The following PRMT3 variants were observed in gnomAD, a reference collection of about 807,000 sequenced individuals.
The protein encoded by PRMT3 is protein arginine methyltransferase 3, also known as protein arginine N-methyltransferase 3.
In PRMT3, 62 loss-of-function variants were observed where a neutral mutation model predicts 71.9. The ratio of observed to expected loss-of-function variants is 0.86; its 90% CI spans 0.70 to 1.07. The LOEUF is 1.07. Among genes scored for constraint, PRMT3 ranks in the 50% least tolerant of loss-of-function variants. The pLI, the probability that PRMT3 is intolerant of heterozygous loss-of-function variation, is 0.00. For missense variants in PRMT3, 663 were observed against 643.0 expected (o/e 1.03, Z -0.34); for synonymous variants, 213 against 220.4 (o/e 0.97, Z 0.30).
At chr11:20,398,610 G>A (rs776454123) in intron 7 of PRMT3, among the ~76,000 whole-genome samples, 21 of 152,126 alleles carry the variant, frequency 1.4e-4, no homozygotes, top group Non-Finnish European at 2.4e-4. Flanking sequence ...CCGCCACGGC[G>A]CCTGGCTAAT....
At chr11:20,418,721 A>G (rs187415527) in intron 9 of PRMT3, among the ~76,000 whole-genome samples, 8 of 152,318 alleles carry the variant, frequency 5.3e-5, no homozygotes, top group Admixed American at 3.3e-4. Context: ...AGCAACAAGC[A>G]ACTATAGCAA....
intron 3 of PRMT3, among the ~76,000 whole-genome samples, chr11:20,391,049 CA>C (rs57575758): frequency 0.88 from 127,488 of 144,498 alleles, 56,520 homozygotes; most frequent in Middle Eastern, 0.96. Context: ...GACGCCGTCT[CA>C]AAAAAAAAAA....
At chr11:20,469,566 ATGCT>A (rs1179965045) in intron 13 of PRMT3, among the ~76,000 whole-genome samples, 1 of 152,208 alleles carries the variant, frequency 6.6e-6, no homozygotes, top group African/African-American at 2.4e-5. Flanking sequence ...CTTATACAAA[ATGCT>A]TGCTTGGGCC....
chr11:20,504,738 GA>G (rs1851546897), intron 15 of PRMT3, among the ~76,000 whole-genome samples: 1 of 151,680 alleles, frequency 6.6e-6, no homozygotes, highest in Non-Finnish European at 1.5e-5. Flanking sequence ...GAGAGAGAGA[GA>G]GAGAGAGCGA....
chr11:20,440,379 C>G (rs185641899), intron 10 of PRMT3, among the ~76,000 whole-genome samples: 7 of 151,596 alleles, frequency 4.6e-5, no homozygotes, highest in Admixed American at 4.6e-4. Context: ...GGTGTGGTGG[C>G]TCACGCCTGT....
intron 10 of PRMT3, among the ~76,000 whole-genome samples, chr11:20,439,307 T>C (rs780449659): frequency 2.2e-4 from 27 of 124,286 alleles, no homozygotes; most frequent in Admixed American, 4.6e-4. Flanking sequence ...CTCCTTGCCA[T>C]AGGGAGAAGT....
intron 15 of PRMT3, among the ~76,000 whole-genome samples, chr11:20,505,222 GAA>G (rs1851562871): frequency 6.6e-6 from 1 of 152,238 alleles, no homozygotes; most frequent in South Asian, 2.1e-4. Flanking sequence ...GTATGCAAAT[GAA>G]AACTTTAATT....
rs573354747 is a variant in PRMT3 at position 20,479,697 on chromosome 11, T to C, written c.1348-14222T>C. Among the ~76,000 whole-genome samples the C allele has an allele frequency of 5.9e-5, 9 of 152,260 alleles. No homozygotes were observed. In the East Asian group the frequency reaches 1.4e-3, roughly 23 times the overall value. On this transcript the variant is annotated intron_variant, in intron 13 of 15. Coordinates refer to ENST00000331079, the MANE Select transcript of PRMT3 (RefSeq NM_005788.4). ...ATTTTTTTAAAGAATCTCACAACAA[T>C]AAGAAACGCCTAAGAGTGACGAGGC... is the stretch of plus-strand genomic sequence containing the variant.
chr11:20,422,123 T>G (rs1849440427), intron 9 of PRMT3, among the ~76,000 whole-genome samples: 1 of 152,164 alleles, frequency 6.6e-6, no homozygotes, highest in Admixed American at 6.5e-5. Flanking sequence ...CACAGCCACT[T>G]GGGGATCAAT....
At chr11:20,409,355 T>C (rs1849142975) in intron 9 of PRMT3, among the ~76,000 whole-genome samples, 1 of 152,282 alleles carries the variant, frequency 6.6e-6, no homozygotes, top group South Asian at 2.1e-4. Flanking sequence ...ATGAAACTTA[T>C]AATGGCTATC....
At chr11:20,417,728 T>C (rs1004132077) in intron 9 of PRMT3, among the ~76,000 whole-genome samples, 140 of 152,028 alleles carry the variant, frequency 9.2e-4, no homozygotes, top group African/African-American at 3.3e-3. Context: ...GCTCTAGTCA[T>C]ACTAAACTGT....
At chr11:20,409,616 A>G (rs1849149457) in intron 9 of PRMT3, among the ~76,000 whole-genome samples, 1 of 150,254 alleles carries the variant, frequency 6.7e-6, no homozygotes, top group Non-Finnish European at 1.5e-5. Context: ...TTTCATAGAT[A>G]ATGGTTTGTG....
intron 15 of PRMT3, among the ~76,000 whole-genome samples, chr11:20,507,011 A>G (rs995017077): frequency 5.9e-5 from 9 of 152,164 alleles, no homozygotes; most frequent in Admixed American, 2.0e-4. Flanking sequence ...CAGTGCATCA[A>G]TGGCCAATGG....
chr11:20,464,069 T>C (rs549366324), intron 12 of PRMT3, among the ~76,000 whole-genome samples: 4 of 152,336 alleles, frequency 2.6e-5, no homozygotes, highest in African/African-American at 9.6e-5. Flanking sequence ...ACATATTTTA[T>C]AGCAGTTGTG....
At chr11:20,476,285 A>G (rs1198877610) in intron 13 of PRMT3, among the ~76,000 whole-genome samples, 6 of 152,064 alleles carry the variant, frequency 3.9e-5, no homozygotes, top group Non-Finnish European at 8.8e-5. Flanking sequence ...CCCAGGAGGC[A>G]GAGGTTGCAG....
chr11:20,423,457 A>G (rs1314963714), intron 9 of PRMT3, among the ~76,000 whole-genome samples: 2 of 152,154 alleles, frequency 1.3e-5, no homozygotes, highest in South Asian at 2.1e-4. Context: ...TTTTGTTTAC[A>G]TATTGTCTAT....
At chr11:20,505,603 C>G (rs955760716) in intron 15 of PRMT3, among the ~76,000 whole-genome samples, 2 of 152,068 alleles carry the variant, frequency 1.3e-5, no homozygotes, top group African/African-American at 4.8e-5. Flanking sequence ...TGTGGCTGTT[C>G]GTTCCCAGTT....
At chr11:20,491,256 G>T (rs1008936702) in intron 13 of PRMT3, among the ~76,000 whole-genome samples, 1 of 152,066 alleles carries the variant, frequency 6.6e-6, no homozygotes, top group African/African-American at 2.4e-5. Context: ...TTCTGTCACC[G>T]TTGGAACATG....
chr11:20,498,455 G>A (rs1361117461), intron 15 of PRMT3, among the ~76,000 whole-genome samples: 11 of 152,158 alleles, frequency 7.2e-5, no homozygotes, highest in African/African-American at 2.4e-4. Context: ...CTGGCCGGGC[G>A]TGATTGCTCA....
Sources: allele counts gnomAD v4.1 joint callset (sites outside exome capture counted in the v4.1 genomes callset), GRCh38; gene constraint gnomAD v4.1.1; transcripts MANE v1.5; gene names NCBI Gene and HGNC (gene_info 2026-07-23, HGNC 2026-07-21).